LNX1: variants seen among roughly 807,000 people sequenced by gnomAD.
LNX1 encodes the protein ligand of numb-protein X 1.
A neutral mutation model predicts 68.4 loss-of-function variants in LNX1; 54 were observed. The observed-to-expected ratio is 0.79, with a 90% CI of 0.63 to 0.99. LNX1 has a LOEUF of 0.99. LNX1 is among the 50% of genes least tolerant of loss of function. LNX1 has a pLI of 0.00. For synonymous variants in LNX1, 336 were observed against 350.0 expected (o/e 0.96, Z 0.45); for missense variants, 906 against 926.4 (o/e 0.98, Z 0.29).
chr4:53,501,835 T>TA (rs998863447), intron 4 of LNX1: 2 of 152,190 alleles, frequency 1.3e-5, no homozygotes, highest in African/African-American at 4.8e-5. Context: ...CTCACTCCAT[T>TA]CTGGAATTAC....
At chr4:53,521,126 C>T (rs1328510171) in intron 2 of LNX1, among the ~76,000 whole-genome samples, 1 of 152,070 alleles carries the variant, frequency 6.6e-6, no homozygotes, top group East Asian at 1.9e-4. Context: ...GGGTGGGTTT[C>T]ATGGTGGTGA....
intron 1 of LNX1, among the ~76,000 whole-genome samples, chr4:53,635,990 C>T (rs1441170975): frequency 1.3e-5 from 2 of 152,118 alleles, no homozygotes; most frequent in African/African-American, 4.8e-5. Context: ...CCACTTCTGG[C>T]CCCTTTGCTA....
In LNX1 at chr4:53,496,629, T is replaced by C. The variant is rs1003741781; in HGVS notation, c.979-235A>G. ...GTAGACACCATCTTTCTCCACCTTG[T>C]TCTTACCCAAGCCCACATATTTATT... is the stretch of plus-strand genomic sequence containing the variant. On this transcript the variant is annotated intron_variant, in intron 5 of 10. Coordinates refer to ENST00000263925, the MANE Select transcript of LNX1 (RefSeq NM_001126328.3). 4 of 462,022 alleles carry C rather than the reference T, an allele frequency of 8.7e-6. No homozygotes were observed. In the Admixed American group the frequency reaches 1.5e-4, roughly 17 times the overall value. 28.6% of individuals were successfully genotyped at this position (462,022 alleles called of 1,614,324 possible). A position where few individuals can be genotyped will look rare whatever the true frequency, so the allele number is the denominator to read the frequency against.
In LNX1 at chr4:53,563,780, G is replaced by C. The variant is rs1482594015; in HGVS notation, c.380+9843C>G. Among the ~76,000 whole-genome samples, 3 of 152,258 alleles carry C rather than the reference G, an allele frequency of 2.0e-5. No homozygotes were observed. In the South Asian group the frequency reaches 6.2e-4, roughly 32 times the overall value. On this transcript the variant is annotated intron_variant, in intron 2 of 10. Coordinates refer to ENST00000263925, the MANE Select transcript of LNX1 (RefSeq NM_001126328.3). The stretch of plus-strand genomic sequence containing the variant: ...GAACTCCTGACCTCGTGATCCACCC[G>C]CCTCGGCCTCCCAAAGTGCTGGGAT...
chr4:53,598,090 C>G (rs986878849), intron 2 of LNX1, among the ~76,000 whole-genome samples: 1 of 152,172 alleles, frequency 6.6e-6, no homozygotes, highest in African/African-American at 2.4e-5. Flanking sequence ...GAGATTCAGT[C>G]CCAGGCAGTA....
rs748397311 is a variant in LNX1 at position 53,478,709 on chromosome 4, C to T, written c.1519G>A (p.Val507Met). Residue 507 changes from valine (V) to methionine (M), a missense_variant, in exon 8 of 11, where the codon GTG becomes ATG. Transcript: ENST00000263925. ...CCGGGGTCTTTTTGGATATTTACCA[C>T]CTTCTCATGACAAGTAATTGTAGGA... is the stretch of plus-strand genomic sequence containing the variant. ...LHPTITCHEK[V>M]VNIQKDPGES... 1.9e-6 allele frequency: 3 copies of T among 1,613,918 alleles called. No individual in the cohort carries two copies. The highest frequency in any genetic ancestry group is 2.2e-5 in the South Asian group (2 of 91,058).
chr4:53,543,985 G>A (rs1728928696), intron 2 of LNX1, among the ~76,000 whole-genome samples: 1 of 152,174 alleles, frequency 6.6e-6, no homozygotes, highest in South Asian at 2.1e-4. Context: ...TCATCTCTGG[G>A]TCTTTTGTAA....
intron 9 of LNX1, among the ~76,000 whole-genome samples, chr4:53,463,857 T>C (rs1403017806): frequency 6.6e-6 from 1 of 152,094 alleles, no homozygotes; most frequent in Admixed American, 6.6e-5. Flanking sequence ...ATATTACTAA[T>C]TTAGTCAATA....
intron 6 of LNX1, among the ~76,000 whole-genome samples, chr4:53,489,763 T>G (rs1313410900): frequency 6.6e-6 from 1 of 152,168 alleles, no homozygotes; most frequent in Admixed American, 6.5e-5. Flanking sequence ...ACTTGGACTT[T>G]GAGAATTCAG....
chr4:53,469,649 C>T (rs900177370), intron 9 of LNX1, among the ~76,000 whole-genome samples: 94 of 152,098 alleles, frequency 6.2e-4, no homozygotes, highest in African/African-American at 2.1e-3. Context: ...TAAAAAATGA[C>T]AAAGGGGATA....
intron 2 of LNX1, among the ~76,000 whole-genome samples, chr4:53,521,364 C>T (rs79315933): frequency 2.9e-3 from 439 of 152,264 alleles, no homozygotes; most frequent in African/African-American, 8.7e-3. Flanking sequence ...TCCTCCGTTC[C>T]TCAAAGTGCA....
At chr4:53,612,139 T>G (rs1462322453) in intron 2 of LNX1, among the ~76,000 whole-genome samples, 1 of 152,108 alleles carries the variant, frequency 6.6e-6, no homozygotes, top group African/African-American at 2.4e-5. Flanking sequence ...TATCCTCAAA[T>G]TTACCAAAAG....
chr4:53,461,478 ATTT>A lies in LNX1; in HGVS notation c.2005_2007del (p.Lys669del), dbSNP rs763295429. On this transcript the variant is annotated inframe_deletion, in exon 10 of 11. Coordinates refer to ENST00000263925, the MANE Select transcript of LNX1 (RefSeq NM_001126328.3). ...TATGCTGGTGTTCCTTCAACAATGG[ATTT>A]GATGAAAAAAGGTTTGTTTCCATTG... is the stretch of plus-strand genomic sequence containing the variant. 2.5e-6 allele frequency: 4 copies of A among 1,612,170 alleles called. No homozygotes were observed. In the African/African-American group the frequency reaches 5.3e-5, roughly 22 times the overall value.
chr4:53,610,118 T>A (rs986585428), intron 2 of LNX1, among the ~76,000 whole-genome samples: 4 of 152,200 alleles, frequency 2.6e-5, no homozygotes, highest in African/African-American at 9.6e-5. Flanking sequence ...TAAAGTATTT[T>A]TATTGTTTTT....
chr4:53,476,329 G>A (rs917087662), intron 9 of LNX1, among the ~76,000 whole-genome samples: 2 of 152,142 alleles, frequency 1.3e-5, no homozygotes, highest in Admixed American at 1.3e-4. Context: ...ACAGAAGGCA[G>A]TCAGCCTCCC....
chr4:53,636,301 A>G (rs905458628), intron 1 of LNX1, among the ~76,000 whole-genome samples: 2 of 149,082 alleles, frequency 1.3e-5, no homozygotes, highest in African/African-American at 5.0e-5. Flanking sequence ...AAAAATTAGC[A>G]TGCACCTCCT....
At chr4:53,474,555 A>G (rs6554108) in intron 9 of LNX1, among the ~76,000 whole-genome samples, 123,537 of 152,144 alleles carry the variant, frequency 0.81, 50,300 homozygotes, top group Non-Finnish European at 0.85. Flanking sequence ...TTATTGAATG[A>G]ATCTGAAGGG....
intron 1 of LNX1, among the ~76,000 whole-genome samples, chr4:53,631,036 A>T (rs1017630959): frequency 2.0e-4 from 30 of 152,348 alleles, no homozygotes; most frequent in Middle Eastern, 3.4e-3. Flanking sequence ...CCTTGCAGTA[A>T]GTGCTCCTGG....
At chr4:53,469,687 T>C (rs1472982909) in intron 9 of LNX1, among the ~76,000 whole-genome samples, 2 of 151,790 alleles carry the variant, frequency 1.3e-5, no homozygotes, top group Non-Finnish European at 1.5e-5. Context: ...GAAATACAAA[T>C]TACCATCAGA....
Sources: allele counts gnomAD v4.1 joint callset (sites outside exome capture counted in the v4.1 genomes callset), GRCh38; gene constraint gnomAD v4.1.1; transcripts MANE v1.5; gene names NCBI Gene and HGNC (gene_info 2026-07-23, HGNC 2026-07-21).